Variants in MECOM observed in about 807,000 individuals in gnomAD.
The protein encoded by MECOM is MDS1 and EVI1 complex locus.
In MECOM, 13 loss-of-function variants were observed where a neutral mutation model predicts 116.3. The ratio of observed to expected loss-of-function variants is 0.11; its 90% CI spans 0.07 to 0.18. The LOEUF (loss-of-function observed/expected upper bound fraction) is 0.18. Among genes scored for constraint, MECOM ranks in the 10% least tolerant of loss-of-function variants. MECOM has a pLI of 1.00. For synonymous variants in MECOM, 528 were observed against 535.2 expected, an observed-to-expected ratio of 0.99 and a Z score of 0.19; for missense variants, 1,299 against 1,509.0, an observed-to-expected ratio of 0.86 and a Z score of 2.31.
chr3:169,297,531 T>A (rs1389380101), intron 2 of MECOM, among the ~76,000 whole-genome samples: 1 of 151,004 alleles, frequency 6.6e-6, no homozygotes, highest in Non-Finnish European at 1.5e-5. Context: ...ACAACTGATT[T>A]TTTTTTTTTA....
chr3:169,408,077 C>A lies in MECOM; in HGVS notation c.38-26553G>T, dbSNP rs1736976979. ...GAAATGCCAATATTCTGCATATCTTCAAAGAACAGAATCTGTCTCCAAAAA... is the reference window on the plus strand; with the variant it reads ...GAAATGCCAATATTCTGCATATCTTAAAAGAACAGAATCTGTCTCCAAAAA... On this transcript the variant is annotated intron_variant, in intron 1 of 16. Transcript: ENST00000651503. Among the ~76,000 whole-genome samples the A allele has an allele frequency of 2.0e-5, 3 of 152,172 alleles. No individual in the cohort carries two copies. In the South Asian group the frequency reaches 6.2e-4, roughly 32 times the overall value.
intron 2 of MECOM, among the ~76,000 whole-genome samples, chr3:169,278,716 G>A (rs1288089083): frequency 2.6e-5 from 4 of 152,230 alleles, no homozygotes; most frequent in African/African-American, 7.2e-5. Context: ...ATAGTCAATG[G>A]AAATGCTTTA....
intron 2 of MECOM, among the ~76,000 whole-genome samples, chr3:169,157,370 C>T (rs1742150732): frequency 6.6e-6 from 1 of 152,208 alleles, no homozygotes; most frequent in African/African-American, 2.4e-5. Context: ...CCTTTCTCTA[C>T]ATTGGAAATC....
chr3:169,224,823 A>G (rs1223992354), intron 2 of MECOM, among the ~76,000 whole-genome samples: 2 of 152,238 alleles, frequency 1.3e-5, no homozygotes, highest in African/African-American at 4.8e-5. Context: ...AAGACCATCC[A>G]GCACTTGGCT....
chr3:169,429,651 G>A (rs1741285717), intron 1 of MECOM, among the ~76,000 whole-genome samples: 1 of 152,204 alleles, frequency 6.6e-6, no homozygotes. Context: ...GTAGCTAGAT[G>A]TAGTAACAGG....
chr3:169,273,001 C>T (rs1434478725), intron 2 of MECOM, among the ~76,000 whole-genome samples: 3 of 152,116 alleles, frequency 2.0e-5, no homozygotes, highest in Admixed American at 2.0e-4. Context: ...ATCCCCTTAA[C>T]TCCTGCTTGA....
At chr3:169,607,078 A>G (rs1481651558) in intron 1 of MECOM, among the ~76,000 whole-genome samples, 1 of 152,248 alleles carries the variant, frequency 6.6e-6, no homozygotes, top group Non-Finnish European at 1.5e-5. Context: ...ATCCTGTATT[A>G]TAATACTTTA....
intron 2 of MECOM, among the ~76,000 whole-genome samples, chr3:169,236,864 C>T (rs1162085336): frequency 2.0e-5 from 3 of 152,216 alleles, no homozygotes; most frequent in African/African-American, 4.8e-5. Context: ...ATTCAACAAA[C>T]TCACCACTTG....
intron 2 of MECOM, among the ~76,000 whole-genome samples, chr3:169,291,523 GT>G (rs1314497175): frequency 6.6e-6 from 1 of 152,132 alleles, no homozygotes; most frequent in Non-Finnish European, 1.5e-5. Flanking sequence ...TGGGAGATCA[GT>G]TTATATTTAG....
chr3:169,239,414 T>A (rs1486825317), intron 2 of MECOM, among the ~76,000 whole-genome samples: 1 of 152,008 alleles, frequency 6.6e-6, no homozygotes, highest in African/African-American at 2.4e-5. Flanking sequence ...ATACCACTGA[T>A]ATATTGGACA....
intron 10 of MECOM, among the ~76,000 whole-genome samples, chr3:169,104,249 G>A (rs747229876): frequency 6.6e-6 from 1 of 152,192 alleles, no homozygotes. Context: ...TTCTGTCTCT[G>A]CAGAATATGG....
intron 1 of MECOM, among the ~76,000 whole-genome samples, chr3:169,645,250 C>T (rs1308063012): frequency 6.6e-6 from 1 of 152,192 alleles, no homozygotes; most frequent in Admixed American, 6.5e-5. Context: ...CCCGATCCCA[C>T]CCTAAAACCT....
intron 2 of MECOM, among the ~76,000 whole-genome samples, chr3:169,242,161 G>A (rs1397777155): frequency 1.3e-5 from 2 of 152,120 alleles, no homozygotes; most frequent in Non-Finnish European, 2.9e-5. Context: ...TAATTTAGAA[G>A]TAAATGGTAG....
chr3:169,650,604 C>A (rs919935282), intron 1 of MECOM, among the ~76,000 whole-genome samples: 1 of 151,946 alleles, frequency 6.6e-6, no homozygotes, highest in Non-Finnish European at 1.5e-5. Context: ...AAAGATATAC[C>A]TTAGCTCTGG....
intron 2 of MECOM, among the ~76,000 whole-genome samples, chr3:169,183,412 A>C (rs961255389): frequency 1.3e-5 from 2 of 152,180 alleles, no homozygotes; most frequent in African/African-American, 4.8e-5. Context: ...TATTGTAAGA[A>C]TCTCCTTCAG....
intron 1 of MECOM, among the ~76,000 whole-genome samples, chr3:169,472,274 TAA>T (rs557333184): frequency 7.2e-6 from 1 of 139,852 alleles, no homozygotes; most frequent in Non-Finnish European, 1.6e-5. Context: ...TAATATTGTG[TAA>T]AAAAAAAAAC....
chr3:169,106,339 G>A (rs1435151251), intron 10 of MECOM, among the ~76,000 whole-genome samples: 5 of 152,004 alleles, frequency 3.3e-5, no homozygotes, highest in Admixed American at 6.6e-5. Flanking sequence ...GTATATATCT[G>A]TGGGATACAT....
At chr3:169,198,315 T>C (rs1415652157) in intron 2 of MECOM, among the ~76,000 whole-genome samples, 1 of 152,056 alleles carries the variant, frequency 6.6e-6, no homozygotes, top group Non-Finnish European at 1.5e-5. Context: ...TATCAAACTT[T>C]CACTTCACAT....
intron 1 of MECOM, among the ~76,000 whole-genome samples, chr3:169,644,548 C>T (rs1773917887): frequency 6.6e-6 from 1 of 152,178 alleles, no homozygotes; most frequent in Non-Finnish European, 1.5e-5. Flanking sequence ...TGAGCCACCA[C>T]ACCCGGCCCC....
Sources: allele counts gnomAD v4.1 joint callset (sites outside exome capture counted in the v4.1 genomes callset), GRCh38; gene constraint gnomAD v4.1.1; transcripts MANE v1.5; gene names NCBI Gene and HGNC (gene_info 2026-07-23, HGNC 2026-07-21).